KCNAB1: variants seen among roughly 807,000 people sequenced by gnomAD.
KCNAB1 encodes the protein voltage-gated potassium channel subunit beta-1.
A neutral mutation model predicts 64.6 loss-of-function variants in KCNAB1; 35 were observed. That is an observed-to-expected ratio of 0.54 (90% CI 0.41 to 0.72). KCNAB1 has a LOEUF of 0.72. Among genes scored for constraint, KCNAB1 ranks in the 30% least tolerant of loss-of-function variants. KCNAB1 has a pLI of 0.00. For synonymous variants in KCNAB1, 177 were observed against 183.8 expected, an observed-to-expected ratio of 0.96 and a Z score of 0.30; for missense variants, 401 against 512.9, an observed-to-expected ratio of 0.78 and a Z score of 2.11.
At chr3:156,531,606 A>C in intron 13 of KCNAB1, 109 bp downstream of exon 13, 1 of 844,536 alleles carries the variant, frequency 1.2e-6, no homozygotes, top group Non-Finnish European at 2.1e-6. Flanking sequence ...GGGCAAGAGT[A>C]GGGGGAACAA....
chr3:156,313,511 T>G (rs963365718), intron 1 of KCNAB1, among the ~76,000 whole-genome samples: 1 of 152,134 alleles, frequency 6.6e-6, no homozygotes, highest in Non-Finnish European at 1.5e-5. Context: ...CAGAAGGCGA[T>G]GTGATGATGG....
At chr3:156,183,981 T>G (rs1445135861) in intron 1 of KCNAB1, among the ~76,000 whole-genome samples, 2 of 152,160 alleles carry the variant, frequency 1.3e-5, no homozygotes, top group Non-Finnish European at 2.9e-5. Context: ...GGATAATAAT[T>G]ATACCTACCT....
intron 2 of KCNAB1, among the ~76,000 whole-genome samples, chr3:156,432,568 G>A (rs1295055056): frequency 2.0e-5 from 3 of 152,198 alleles, no homozygotes; most frequent in Admixed American, 6.5e-5. Context: ...GGGTGATGAG[G>A]TAATGAGCAA....
intron 1 of KCNAB1, among the ~76,000 whole-genome samples, chr3:156,323,741 C>T (rs942555326): frequency 3.3e-5 from 5 of 152,102 alleles, no homozygotes; most frequent in Admixed American, 3.3e-4. Context: ...TTATTATAGT[C>T]GTGTCATACC....
At chr3:156,489,810 T>G (rs1715505617) in intron 8 of KCNAB1, among the ~76,000 whole-genome samples, 1 of 152,106 alleles carries the variant, frequency 6.6e-6, no homozygotes, top group Admixed American at 6.6e-5. Flanking sequence ...AGGAAAGATT[T>G]TTTTTAAGTG....
chr3:156,242,507 C>T (rs1381411358), intron 1 of KCNAB1, among the ~76,000 whole-genome samples: 1 of 152,064 alleles, frequency 6.6e-6, no homozygotes, highest in Non-Finnish European at 1.5e-5. Flanking sequence ...TGTCGTATAT[C>T]CTCTCTCTTG....
intron 1 of KCNAB1, among the ~76,000 whole-genome samples, chr3:156,340,378 G>A (rs1174034120): frequency 2.0e-5 from 3 of 152,218 alleles, no homozygotes; most frequent in Non-Finnish European, 4.4e-5. Flanking sequence ...CTCTCTTCGA[G>A]TGGGAGGGGC....
At chr3:156,441,605 A>G (rs1237320524) in intron 2 of KCNAB1, among the ~76,000 whole-genome samples, 1 of 152,156 alleles carries the variant, frequency 6.6e-6, no homozygotes, top group Non-Finnish European at 1.5e-5. Context: ...AAAAATCAGA[A>G]ATTGCCATTT....
chr3:156,395,544 CAAAAAAAAAAAAAAAAAAAAAA>C (rs61017269), intron 1 of KCNAB1, among the ~76,000 whole-genome samples: 922 of 25,474 alleles, frequency 0.036, 16 homozygotes, highest in Middle Eastern at 0.077. Context: ...GACTCCGTCT[CAAAAAAAAAAAAAAAAAAAAAA>C]AAAAAAAAAA....
intron 1 of KCNAB1, among the ~76,000 whole-genome samples, chr3:156,151,670 G>T (rs1715419102): frequency 6.6e-6 from 1 of 152,100 alleles, no homozygotes; most frequent in Non-Finnish European, 1.5e-5. Flanking sequence ...TTAAAACTAA[G>T]TTGCACACAT....
At chr3:156,250,957 TG>T (rs1323957819) in intron 1 of KCNAB1, among the ~76,000 whole-genome samples, 1 of 152,238 alleles carries the variant, frequency 6.6e-6, no homozygotes, top group African/African-American at 2.4e-5. Flanking sequence ...TTCTTTTATC[TG>T]CCCAGGATTT....
intron 1 of KCNAB1, among the ~76,000 whole-genome samples, chr3:156,376,307 G>A (rs1389174172): frequency 1.3e-5 from 2 of 152,178 alleles, no homozygotes; most frequent in Non-Finnish European, 2.9e-5. Flanking sequence ...AGATGAAGAA[G>A]TCATGCCCAA....
At chr3:156,338,611 C>T (rs1042595826) in intron 1 of KCNAB1, among the ~76,000 whole-genome samples, 1 of 152,120 alleles carries the variant, frequency 6.6e-6, no homozygotes, top group African/African-American at 2.4e-5. Flanking sequence ...TGCACCTGGC[C>T]TAGCATTTGC....
intron 12 of KCNAB1, among the ~76,000 whole-genome samples, chr3:156,525,559 A>G (rs1003613133): frequency 2.0e-5 from 3 of 152,240 alleles, no homozygotes; most frequent in African/African-American, 7.2e-5. Flanking sequence ...TCTGTCGCCC[A>G]GGCTGGAGTG....
intron 1 of KCNAB1, among the ~76,000 whole-genome samples, chr3:156,198,946 T>C (rs141487867): frequency 7.8e-6 from 1 of 127,650 alleles, no homozygotes; most frequent in East Asian, 2.2e-4. Flanking sequence ...TTTTTTTTAG[T>C]GGCTGCTACC....
intron 1 of KCNAB1, among the ~76,000 whole-genome samples, chr3:156,401,891 T>G (rs1713919168): frequency 1.3e-5 from 2 of 150,852 alleles, no homozygotes. Context: ...TTTACACTAG[T>G]AGTGTTTGGA....
Position 156,166,406 on chromosome 3 carries a change from A to G in KCNAB1, c.275+45520A>G, listed in dbSNP as rs181150085. Among the ~76,000 whole-genome samples the G allele has an allele frequency of 3.0e-4, 45 of 152,338 alleles. No homozygotes were observed. The East Asian group carries it at 8.3e-3, about 28-fold the overall frequency. ...AAAACAAACAGTAATATAAGGAGCT[A>G]TAAAGAAACTGTGTAGTAGCACTAG... On this transcript the variant is annotated intron_variant, in intron 1 of 13. Transcript: ENST00000490337.
At chr3:156,369,827 C>T (rs1560221603) in intron 1 of KCNAB1, among the ~76,000 whole-genome samples, 1 of 152,168 alleles carries the variant, frequency 6.6e-6, no homozygotes, top group Non-Finnish European at 1.5e-5. Context: ...ATTTGTTTAT[C>T]TTACACCAAT....
chr3:156,127,120 C>T (rs1235436213), intron 1 of KCNAB1, among the ~76,000 whole-genome samples: 2 of 151,722 alleles, frequency 1.3e-5, no homozygotes, highest in Non-Finnish European at 1.5e-5. Context: ...TTTTGGTGCT[C>T]ACCTCTGCCA....
Sources: gnomAD v4.1 joint callset for allele counts (sites outside exome capture counted in the v4.1 genomes callset) on GRCh38, gnomAD v4.1.1 for gene constraint, MANE v1.5 for transcripts, NCBI Gene and HGNC (gene_info 2026-07-23, HGNC 2026-07-21) for gene names.